Variants in RNF19B observed in about 807,000 individuals in gnomAD.
RNF19B encodes ring finger protein 19B, also known as E3 ubiquitin-protein ligase RNF19B.
RNF19B carries 23 observed loss-of-function variants against 65.5 expected under a neutral mutation model. The ratio of observed to expected loss-of-function variants is 0.35; its 90% CI spans 0.25 to 0.50. The LOEUF (loss-of-function observed/expected upper bound fraction) is 0.50. RNF19B is among the 20% of genes least tolerant of loss of function. RNF19B has a pLI of 0.98. For synonymous variants in RNF19B, 372 were observed against 379.6 expected, an observed-to-expected ratio of 0.98 and a Z score of 0.23; for missense variants, 794 against 980.0, an observed-to-expected ratio of 0.81 and a Z score of 2.53.
In RNF19B at chr1:32,937,172, C is replaced by T. The variant is rs752078296; in HGVS notation, c.1830G>A (p.Ser610=). Residue 610 remains serine, a synonymous_variant, in exon 9 of 9, where the codon TCG becomes TCA. Transcript: ENST00000235150. Reference sequence around the variant, plus strand: ...CTGCCATCTGAGCATGAACATGGAGCGAGTCCTCCGTGCTGCTTCCACTCA... The same window carrying T: ...CTGCCATCTGAGCATGAACATGGAGTGAGTCCTCCGTGCTGCTTCCACTCA... The part of the protein sequence containing the change: ...QLVSGSSTED[S]LHVHAQMAEN... The T allele has an allele frequency of 1.6e-5, 26 of 1,614,100 alleles. No individual in the cohort carries two copies. The highest frequency in any genetic ancestry group is 2.0e-5 in the Non-Finnish European group (24 of 1,180,022).
intron 1 of RNF19B, among the ~76,000 whole-genome samples, chr1:32,957,801 T>G (rs751748430): frequency 4.6e-5 from 7 of 152,206 alleles, no homozygotes; most frequent in Non-Finnish European, 8.8e-5. Flanking sequence ...ACAACTGCAC[T>G]CCAGCCTGGG....
intron 1 of RNF19B, among the ~76,000 whole-genome samples, chr1:32,954,114 T>G (rs1322431284): frequency 6.6e-6 from 1 of 151,526 alleles, no homozygotes; most frequent in Non-Finnish European, 1.5e-5. Flanking sequence ...TTTCACCATG[T>G]TGGCCAGGCT....
chr1:32,948,264 C>T lies in RNF19B; in HGVS notation c.941G>A (p.Cys314Tyr). 1 of 1,614,112 alleles carries T rather than the reference C, an allele frequency of 6.2e-7. No individual in the cohort carries two copies. Among genetic ancestry groups the T allele is most frequent in the East Asian group, 2.2e-5 (1 of 44,890 alleles). ...MTCAVCGCEF[C>Y]WLCMKEISDL... ...TGAGATCTCTTTCATACAAAGCCAA[C>T]AGAATTCACAGCCACACACTGCACA... is the stretch of plus-strand genomic sequence containing the variant. The change falls in exon 3 of 9, where the codon TGT (cysteine) becomes TAT (tyrosine). Residue 314 changes from cysteine (C) to tyrosine (Y), a missense_variant. By Grantham distance (194) the Cys-to-Tyr change is radical. This residue lies in a region of RNF19B where 52 missense variants were observed against 108.8 expected (regional missense o/e 0.48). Transcript: ENST00000235150.
At chr1:32,954,738 C>CAAA (rs35049190) in intron 1 of RNF19B, among the ~76,000 whole-genome samples, 2 of 112,294 alleles carry the variant, frequency 1.8e-5, no homozygotes, top group Non-Finnish European at 1.8e-5. Context: ...AATTCCATCT[C>CAAA]AAAAAAAAAA....
At chr1:32,945,489 A>C in intron 5 of RNF19B, 25 bp downstream of exon 5, 8 of 1,402,614 alleles carry the variant, frequency 5.7e-6, no homozygotes, top group Non-Finnish European at 7.1e-6. Flanking sequence ...CTGAGAGAGA[A>C]GAGGTGTGGT....
Position 32,936,904 on chromosome 1 carries a change from C to T in RNF19B, c.2098G>A (p.Ala700Thr). 6.2e-7 allele frequency: 1 copy of T among 1,613,944 alleles called. No individual in the cohort carries two copies. The highest frequency in any genetic ancestry group is 8.5e-7 in the Non-Finnish European group (1 of 1,179,988). ...GCACTTGGGCTCGGTGCACCTTGGG[C>T]TCTGGGGGTCGAGGGGCAGGCTGCA... is the stretch of plus-strand genomic sequence containing the variant. Reference protein sequence around the residue: ...HTAACPSTPRAQGAPSPSAHM... With the variant: ...HTAACPSTPRTQGAPSPSAHM... Residue 700 changes from alanine to threonine, a missense_variant, in exon 9 of 9, where the codon GCC becomes ACC. Ala to Thr is a moderately conservative substitution (Grantham distance 58). This residue lies in a region of RNF19B where 368 missense variants were observed against 447.3 expected (regional missense o/e 0.82). Transcript: ENST00000235150.
Position 32,936,664 on chromosome 1 carries a change from G to C in RNF19B, c.*142C>G. On this transcript the variant is annotated 3_prime_UTR_variant, in exon 9 of 9. Transcript: ENST00000235150. Reference sequence around the variant, plus strand: ...CTGGTAAGAAATTGTGAATTTCTCAGAATTTCCCTGGGCAAAAACCTGTGA... The same window carrying C: ...CTGGTAAGAAATTGTGAATTTCTCACAATTTCCCTGGGCAAAAACCTGTGA... 1 of 866,184 alleles carries C rather than the reference G, an allele frequency of 1.2e-6. No homozygotes were observed. Among genetic ancestry groups the C allele is most frequent in the Non-Finnish European group, 1.6e-6 (1 of 614,264 alleles). 53.7% of individuals were successfully genotyped at this position (866,184 alleles called of 1,614,324 possible).
chr1:32,953,729 T>C (rs990651444), intron 1 of RNF19B, among the ~76,000 whole-genome samples: 1 of 151,936 alleles, frequency 6.6e-6, no homozygotes, highest in African/African-American at 2.4e-5. Flanking sequence ...GACTAGCTTG[T>C]TATTTTGCAT....
At position 32,936,617 on chromosome 1, in the gene RNF19B, C is replaced by T. The variant is rs969968942; in HGVS notation, c.*189G>A. On this transcript the variant is annotated 3_prime_UTR_variant, in exon 9 of 9. Coordinates refer to ENST00000235150, the MANE Select transcript of RNF19B (RefSeq NM_001300826.2). Reference sequence around the variant, plus strand: ...AGGGAGGGGAGGGGAGGGGAACTAACGGCAAACTTTTCATGTTTTATCTGG... The same window carrying T: ...AGGGAGGGGAGGGGAGGGGAACTAATGGCAAACTTTTCATGTTTTATCTGG... 5.2e-6 allele frequency: 3 copies of T among 572,856 alleles called. No individual in the cohort carries two copies. The highest frequency in any genetic ancestry group is 3.1e-5 in the East Asian group (1 of 32,108). The allele number at this position is 572,856 out of a possible 1,614,324, so 35.5% of individuals were successfully genotyped here.
At position 32,948,341 on chromosome 1, in the gene RNF19B, T is replaced by C; in HGVS notation, c.864A>G (p.Arg288=). 1 of 1,613,866 alleles carries C rather than the reference T, an allele frequency of 6.2e-7. No individual in the cohort carries two copies. The highest frequency in any genetic ancestry group is 1.1e-5 in the South Asian group (1 of 91,056). ...TCATCTTGATAATGTATGCACTGCA[T>C]CGTGGGCATGGCTTGATGTCATCTG... ...SGPDDIKPCP[R]CSAYIIKMND... is the part of the protein sequence containing the mutation. The change falls in exon 3 of 9, where the codon CGA becomes CGG. Residue 288 remains arginine, a synonymous_variant. Transcript: ENST00000235150.
At chr1:32,961,206 CG>C (rs1219723616) in intron 1 of RNF19B, among the ~76,000 whole-genome samples, 1 of 152,144 alleles carries the variant, frequency 6.6e-6, no homozygotes, top group Non-Finnish European at 1.5e-5. Context: ...AGAAAAATAA[CG>C]TAGGTAGGAG....
chr1:32,958,718 T>TA (rs746169988), intron 1 of RNF19B, among the ~76,000 whole-genome samples: 1,691 of 132,472 alleles, frequency 0.013, 31 homozygotes, highest in African/African-American at 0.042. Flanking sequence ...AGACTCCATC[T>TA]AAAAAAAAAA....
At chr1:32,931,597 C>A (rs187900758), downstream of RNF19B, among the ~76,000 whole-genome samples, 58 of 152,346 alleles carry the variant, frequency 3.8e-4, no homozygotes, top group Admixed American at 9.8e-4. Context: ...GGTAAAGCTA[C>A]GAATTCAACT....
intron 1 of RNF19B, among the ~76,000 whole-genome samples, chr1:32,952,863 C>T (rs1245001435): frequency 1.3e-5 from 2 of 149,486 alleles, no homozygotes; most frequent in Non-Finnish European, 3.0e-5. Flanking sequence ...CAGTGAGCCA[C>T]GTTTGCGCCA....
At position 32,949,665 on chromosome 1, in the gene RNF19B, G is replaced by C; in HGVS notation, c.745C>G (p.Gln249Glu). ...TGTTGACGGGCCATATCGCATGTCTGATTTGGATGCCATATCTGCTTGCAG... is the reference window on the plus strand; with the variant it reads ...TGTTGACGGGCCATATCGCATGTCTCATTTGGATGCCATATCTGCTTGCAG... ...YHCKQIWHPN[Q>E]TCDMARQQRA... Residue 249 changes from glutamine to glutamate, a missense_variant, in exon 2 of 9, where the codon CAG (glutamine) becomes GAG (glutamate). By Grantham distance (29) the Gln-to-Glu change is conservative. Coordinates refer to ENST00000235150, the MANE Select transcript of RNF19B (RefSeq NM_001300826.2). 1 of 1,613,866 alleles carries C rather than the reference G, an allele frequency of 6.2e-7. No individual in the cohort carries two copies. Among genetic ancestry groups the C allele is most frequent in the Non-Finnish European group, 8.5e-7 (1 of 1,179,978 alleles).
At chr1:32,938,963 T>C (rs139332611) in intron 7 of RNF19B, among the ~76,000 whole-genome samples, 2 of 152,338 alleles carry the variant, frequency 1.3e-5, no homozygotes, top group Middle Eastern at 3.4e-3. Flanking sequence ...TCACTCCCTA[T>C]AGATCCGAAA....
chr1:32,932,592 C>G (rs1328326989), downstream of RNF19B, among the ~76,000 whole-genome samples: 4 of 152,210 alleles, frequency 2.6e-5, no homozygotes, highest in South Asian at 2.1e-4. Flanking sequence ...TATCCACAAG[C>G]TTCTTCACAT....
chr1:32,947,686 A>C (rs1157069171), intron 3 of RNF19B, among the ~76,000 whole-genome samples: 1 of 151,962 alleles, frequency 6.6e-6, no homozygotes, highest in Non-Finnish European at 1.5e-5. Flanking sequence ...GAATTCACTT[A>C]ATGAATTCCT....
intron 3 of RNF19B, among the ~76,000 whole-genome samples, chr1:32,947,955 T>C (rs186845840): frequency 6.6e-6 from 1 of 152,166 alleles, no homozygotes; most frequent in Non-Finnish European, 1.5e-5. Flanking sequence ...GAAAGCATTC[T>C]AGGCAAAGGA....
Sources: gnomAD v4.1 joint callset for allele counts (sites outside exome capture counted in the v4.1 genomes callset) on GRCh38, gnomAD v4.1.1 for gene constraint, gnomAD v4.1.1 regional missense constraint, MANE v1.5 for transcripts, NCBI Gene and HGNC (gene_info 2026-07-23, HGNC 2026-07-21) for gene names.